Variants in OSMR observed in about 807,000 individuals in gnomAD.
OSMR encodes the protein oncostatin-M-specific receptor subunit beta.
Under a neutral mutation model 99.9 loss-of-function variants are expected in OSMR, and 81 were observed. The ratio of observed to expected loss-of-function variants is 0.81; its 90% CI spans 0.68 to 0.97. OSMR has a LOEUF of 0.97. Among genes scored for constraint, OSMR ranks in the 50% least tolerant of loss-of-function variants. OSMR has a pLI of 0.00. For synonymous variants in OSMR, 406 were observed against 410.4 expected (o/e 0.99, Z 0.13); for missense variants, 1,099 against 1,153.4 (o/e 0.95, Z 0.68).
intron 9 of OSMR, among the ~76,000 whole-genome samples, chr5:38,908,894 C>T (rs576405679): frequency 6.6e-6 from 1 of 152,314 alleles, no homozygotes; most frequent in South Asian, 2.1e-4. Flanking sequence ...CCAAAGACCA[C>T]ACTAGCATCC....
At chr5:38,898,467 A>T (rs924838920) in intron 7 of OSMR, among the ~76,000 whole-genome samples, 4 of 152,064 alleles carry the variant, frequency 2.6e-5, no homozygotes, top group Admixed American at 1.3e-4. Flanking sequence ...CCATCCCTTT[A>T]TCTTCAGTCT....
intron 1 of OSMR, 102 bp downstream of exon 1, chr5:38,846,489 A>T (rs77590691): frequency 1.3e-5 from 2 of 152,208 alleles, no homozygotes; most frequent in Admixed American, 6.5e-5. Context: ...CTTTTTCTCA[A>T]ATGATGGTGG....
intron 7 of OSMR, 67 bp downstream of exon 7, chr5:38,886,257 C>G: frequency 2.5e-6 from 4 of 1,611,990 alleles, no homozygotes; most frequent in Non-Finnish European, 3.4e-6. Context: ...ACTGTGTGAT[C>G]AAGTAAATGT....
chr5:38,916,387 T>C (rs1745898480), intron 9 of OSMR, among the ~76,000 whole-genome samples: 1 of 152,236 alleles, frequency 6.6e-6, no homozygotes, highest in Admixed American at 6.5e-5. Flanking sequence ...AATCTTGGCT[T>C]CACTTTTACT....
chr5:38,923,317 T>C, intron 13 of OSMR, 63 bp downstream of exon 13: 1 of 1,070,294 alleles, frequency 9.3e-7, no homozygotes, highest in Non-Finnish European at 1.4e-6. Flanking sequence ...CATAGATTCC[T>C]AGCTTTGGGT....
chr5:38,894,438 ATCT>A (rs1483826191), intron 7 of OSMR, among the ~76,000 whole-genome samples: 2 of 152,156 alleles, frequency 1.3e-5, no homozygotes, highest in African/African-American at 4.8e-5. Context: ...TCTGTCTGCT[ATCT>A]TCAAGAGACC....
chr5:38,864,943 T>C (rs919645248), intron 1 of OSMR, among the ~76,000 whole-genome samples: 1 of 152,258 alleles, frequency 6.6e-6, no homozygotes, highest in African/African-American at 2.4e-5. Context: ...CTTCTCTCTG[T>C]CTGTCTGTAT....
chr5:38,901,916 C>G (rs1455262692), intron 7 of OSMR, among the ~76,000 whole-genome samples: 1 of 152,162 alleles, frequency 6.6e-6, no homozygotes, highest in Non-Finnish European at 1.5e-5. Context: ...GGCCTACCAG[C>G]TGCTGGGCCT....
chr5:38,872,903 A>AT (rs1742504467), intron 2 of OSMR, among the ~76,000 whole-genome samples: 1 of 152,252 alleles, frequency 6.6e-6, no homozygotes, highest in South Asian at 2.1e-4. Context: ...GAGTAGGATT[A>AT]TAGAAACTCA....
intron 11 of OSMR, chr5:38,921,407 T>C: frequency 3.6e-6 from 3 of 838,082 alleles, no homozygotes; most frequent in Non-Finnish European, 4.3e-6. Flanking sequence ...GATGGGCATC[T>C]GAAGGGCAGG....
chr5:38,884,028 G>C lies in OSMR; in HGVS notation c.620G>C (p.Arg207Thr). ...AFNLNSVPFI[R>T]NKGTNIYCEA... The stretch of plus-strand genomic sequence containing the variant: ...AACTTGAATAGTGTGCCTTTCATTA[G>C]GAATAAAGGGACAAATATCTATTGT... The change falls in exon 5 of 18, where the codon AGG becomes ACG. Residue 207 changes from arginine (R) to threonine (T), a missense_variant. Coordinates refer to ENST00000274276, the MANE Select transcript of OSMR (RefSeq NM_003999.3). The C allele has an allele frequency of 6.2e-7, 1 of 1,613,184 alleles. No individual in the cohort carries two copies. Among genetic ancestry groups the C allele is most frequent in the Non-Finnish European group, 8.5e-7 (1 of 1,179,154 alleles).
At chr5:38,943,128 C>A in intron 1 of OSMR, 1 of 508,448 alleles carries the variant, frequency 2.0e-6, no homozygotes, top group Non-Finnish European at 3.5e-6. Context: ...TTAAATATTC[C>A]TGTCACACAC....
At chr5:38,940,130 T>TAAAAAAAAAAAAA (rs1554057737), downstream of OSMR, 12 of 80,422 alleles carry the variant, frequency 1.5e-4, no homozygotes, top group African/African-American at 7.1e-4. Flanking sequence ...AAAGTAACAG[T>TAAAAAAAAAAAAA]AAAAAAAAAA....
chr5:38,862,495 C>T (rs1467656206), intron 1 of OSMR, among the ~76,000 whole-genome samples: 3 of 150,634 alleles, frequency 2.0e-5, no homozygotes, highest in East Asian at 2.0e-4. Flanking sequence ...GGGTGGCTGC[C>T]GGGCGGAGGG....
At position 38,918,954 on chromosome 5, in the gene OSMR, A is replaced by T. The variant is rs1746083964; in HGVS notation, c.1477A>T (p.Thr493Ser). 6.2e-7 allele frequency: 1 copy of T among 1,614,202 alleles called. No individual in the cohort carries two copies. The highest frequency in any genetic ancestry group is 1.1e-5 in the South Asian group (1 of 91,082). ...LHSIPAPANS[T>S]KLILDRCSYQ... ...TTCCATTCCAGCACCAGCCAACAGC[A>T]CAAAACTAATCCTTGACAGGTGTTC... Residue 493 changes from threonine to serine, a missense_variant, in exon 11 of 18, where the codon ACA becomes TCA. Coordinates refer to ENST00000274276, the MANE Select transcript of OSMR (RefSeq NM_003999.3).
intron 1 of OSMR, among the ~76,000 whole-genome samples, chr5:38,864,938 C>G (rs1741823205): frequency 6.6e-6 from 1 of 152,178 alleles, no homozygotes; most frequent in Non-Finnish European, 1.5e-5. Flanking sequence ...AAGTTCTTCT[C>G]TCTGTCTGTC....
rs771305436 is a variant in OSMR, at chr5:38,919,320, C to G, written c.1585+258C>G. On this transcript the variant is annotated intron_variant, in intron 11 of 17. Coordinates refer to ENST00000274276, the MANE Select transcript of OSMR (RefSeq NM_003999.3). Reference sequence around the variant, plus strand: ...TTCTTCAACATACATGGGAAATTATCTCAAATTTATTCAAGTAACTGCAAC... The same window carrying G: ...TTCTTCAACATACATGGGAAATTATGTCAAATTTATTCAAGTAACTGCAAC... 4 of 1,440,952 alleles carry G rather than the reference C, an allele frequency of 2.8e-6. No homozygotes were observed. The African/African-American group carries it at 5.6e-5, about 20-fold the overall frequency. 89.3% of individuals were successfully genotyped at this position (1,440,952 alleles called of 1,614,324 possible). A position where few individuals can be genotyped will look rare whatever the true frequency, so the allele number is the denominator to read the frequency against.
downstream of OSMR, among the ~76,000 whole-genome samples, chr5:38,937,574 T>G (rs576202933): frequency 1.5e-3 from 232 of 152,262 alleles, no homozygotes; most frequent in Non-Finnish European, 2.8e-3. This position sits in a 1 kb window ranked among gnomAD's most constrained non-coding sequence, Gnocchi z 4.0. Context: ...TCAGGGCAGT[T>G]TATGTGTGAG....
intron 3 of OSMR, 165 bp from the exon 4 acceptor site, chr5:38,881,428 C>A (rs1029447186): frequency 2.1e-6 from 2 of 974,172 alleles, no homozygotes; most frequent in Non-Finnish European, 2.4e-6. Flanking sequence ...GGCTCCCATG[C>A]GAGGCATCAG....
Sources: gnomAD v4.1 joint callset for allele counts (sites outside exome capture counted in the v4.1 genomes callset) on GRCh38, gnomAD v4.1.1 for gene constraint, Gnocchi (gnomAD v3.1) non-coding constraint, MANE v1.5 for transcripts, NCBI Gene and HGNC (gene_info 2026-07-23, HGNC 2026-07-21) for gene names.